Variants in CCDC171 observed in about 807,000 individuals in gnomAD.
CCDC171 encodes coiled-coil domain-containing protein 171.
In CCDC171, 177 loss-of-function variants were observed where a neutral mutation model predicts 168.2. The ratio of observed to expected loss-of-function variants is 1.05; its 90% CI spans 0.93 to 1.19. The LOEUF is 1.19. CCDC171 is among the 50% of genes most tolerant of loss of function. The pLI, the probability that CCDC171 is intolerant of heterozygous loss-of-function variation, is 0.00. For synonymous variants in CCDC171, 687 were observed against 540.8 expected, an observed-to-expected ratio of 1.27 and a Z score of -3.75; for missense variants, 1,991 against 1,539.0, an observed-to-expected ratio of 1.29 and a Z score of -4.91.
chr9:15,689,386 A>C (rs1430287654), intron 10 of CCDC171, among the ~76,000 whole-genome samples: 6 of 152,166 alleles, frequency 3.9e-5, no homozygotes, highest in Non-Finnish European at 7.4e-5. Context: ...CTTTTTGCAG[A>C]AATTGACAAG....
At chr9:15,960,696 C>G (rs1372047298) in intron 25 of CCDC171, among the ~76,000 whole-genome samples, 4 of 152,054 alleles carry the variant, frequency 2.6e-5, no homozygotes, top group African/African-American at 9.7e-5. Context: ...GAACATGTGC[C>G]CCAGTGCTTG....
chr9:15,910,799 T>C (rs1206152198), intron 24 of CCDC171, among the ~76,000 whole-genome samples: 1 of 152,108 alleles, frequency 6.6e-6, no homozygotes, highest in African/African-American at 2.4e-5. Context: ...GTGGGGTGTT[T>C]GGTTTTCTGT....
chr9:15,975,333 T>C (rs1831587617), downstream of CCDC171, among the ~76,000 whole-genome samples: 1 of 152,144 alleles, frequency 6.6e-6, no homozygotes. Context: ...GAAACACTGC[T>C]AGTCCTGCCT....
At chr9:15,601,084 G>A (rs1350153110) in intron 6 of CCDC171, among the ~76,000 whole-genome samples, 1 of 152,282 alleles carries the variant, frequency 6.6e-6, no homozygotes, top group East Asian at 1.9e-4. Context: ...TGTGCCTCCT[G>A]GGGGAGGCGA....
intron 24 of CCDC171, among the ~76,000 whole-genome samples, chr9:15,905,952 A>C (rs1281691541): frequency 6.6e-6 from 1 of 152,160 alleles, no homozygotes; most frequent in Non-Finnish European, 1.5e-5. Flanking sequence ...GGACACATAC[A>C]CCCTCCCAAG....
At chr9:15,606,174 G>A (rs1488785259) in intron 6 of CCDC171, among the ~76,000 whole-genome samples, 1 of 152,050 alleles carries the variant, frequency 6.6e-6, no homozygotes, top group Admixed American at 6.6e-5. Flanking sequence ...ACTTATTTTT[G>A]GACCTAGGTT....
At chr9:15,996,173 C>T (rs768283324) in intron 3 of CCDC171, among the ~76,000 whole-genome samples, 3 of 152,156 alleles carry the variant, frequency 2.0e-5, no homozygotes, top group East Asian at 3.9e-4. Flanking sequence ...TGTTACTCTT[C>T]GGGGTATCTG....
intron 10 of CCDC171, among the ~76,000 whole-genome samples, chr9:15,685,183 A>T (rs1354887596): frequency 6.6e-6 from 1 of 152,226 alleles, no homozygotes; most frequent in African/African-American, 2.4e-5. Context: ...TGTTAATAAA[A>T]AATTAGAAAC....
chr9:15,572,128 A>T (rs1016181700), intron 3 of CCDC171, among the ~76,000 whole-genome samples: 1 of 152,172 alleles, frequency 6.6e-6, no homozygotes, highest in African/African-American at 2.4e-5. Context: ...AAATTTGAGT[A>T]TGGAATTTTT....
At chr9:15,608,818 C>T (rs563447328) in intron 6 of CCDC171, among the ~76,000 whole-genome samples, 10 of 149,648 alleles carry the variant, frequency 6.7e-5, no homozygotes, top group Admixed American at 2.7e-4. Context: ...ATTAGCCAGG[C>T]GTAGTGGCAT....
chr9:15,750,307 T>C (rs2055633114), intron 18 of CCDC171, among the ~76,000 whole-genome samples: 1 of 152,122 alleles, frequency 6.6e-6, no homozygotes, highest in African/African-American at 2.4e-5. Flanking sequence ...TAACAGGTTC[T>C]GAAATTGAGG....
At chr9:15,560,349 C>G (rs1022740384) in intron 1 of CCDC171, among the ~76,000 whole-genome samples, 2 of 152,208 alleles carry the variant, frequency 1.3e-5, no homozygotes, top group Non-Finnish European at 2.9e-5. Context: ...TTCTCCCCGT[C>G]ACTTTCAGGT....
chr9:16,044,175 G>C (rs1343202246), intron 1 of CCDC171, among the ~76,000 whole-genome samples: 1 of 152,246 alleles, frequency 6.6e-6, no homozygotes, highest in Non-Finnish European at 1.5e-5. Context: ...TAAGGGGGAA[G>C]GGAGGCTGGG....
intron 3 of CCDC171, among the ~76,000 whole-genome samples, chr9:16,011,548 GC>G (rs1832869907): frequency 6.6e-6 from 1 of 152,104 alleles, no homozygotes; most frequent in Non-Finnish European, 1.5e-5. Flanking sequence ...GCCCAATTAT[GC>G]AGCTTCTTTA....
intron 25 of CCDC171, among the ~76,000 whole-genome samples, chr9:15,929,490 G>C (rs1826254817): frequency 6.6e-6 from 1 of 151,612 alleles, no homozygotes; most frequent in African/African-American, 2.4e-5. Context: ...TGCATTGCTT[G>C]TCTCTGAAAT....
At chr9:15,717,279 A>G (rs903744325) in intron 11 of CCDC171, among the ~76,000 whole-genome samples, 2 of 152,108 alleles carry the variant, frequency 1.3e-5, no homozygotes, top group Non-Finnish European at 2.9e-5. Context: ...TCACGGAGGG[A>G]ACATTTAGAC....
chr9:15,652,980 G>A (rs944232178), intron 7 of CCDC171, among the ~76,000 whole-genome samples: 1 of 152,146 alleles, frequency 6.6e-6, no homozygotes, highest in African/African-American at 2.4e-5. Context: ...TGGGAAAAAA[G>A]TGACTATGTG....
intron 11 of CCDC171, among the ~76,000 whole-genome samples, chr9:15,721,130 G>C (rs2053452349): frequency 6.6e-6 from 1 of 152,126 alleles, no homozygotes; most frequent in South Asian, 2.1e-4. Context: ...TTTACCATGA[G>C]TATCAGTTTT....
intron 6 of CCDC171, among the ~76,000 whole-genome samples, chr9:16,027,790 A>T (rs1223995073): frequency 6.6e-6 from 1 of 152,184 alleles, no homozygotes; most frequent in Non-Finnish European, 1.5e-5. Flanking sequence ...AAACATCTGC[A>T]CCGGGGCTAA....
Sources: gnomAD v4.1 joint callset for allele counts (sites outside exome capture counted in the v4.1 genomes callset) on GRCh38, gnomAD v4.1.1 for gene constraint, MANE v1.5 for transcripts, NCBI Gene and HGNC (gene_info 2026-07-23, HGNC 2026-07-21) for gene names.